APOO: variants seen among roughly 807,000 people sequenced by gnomAD.
APOO encodes MICOS complex subunit MIC26.
A neutral mutation model predicts 23.1 loss-of-function variants in APOO; 11 were observed. The ratio of observed to expected loss-of-function variants is 0.48; its 90% CI spans 0.30 to 0.79. APOO has a LOEUF of 0.79. Ranked by LOEUF, APOO falls within the 30% of genes least tolerant of loss-of-function variation. The probability of loss-of-function intolerance (pLI) is 0.07; values close to 1 mark genes in which losing one functional copy is unlikely to be tolerated. For synonymous variants in APOO, 59 were observed against 54.8 expected, an observed-to-expected ratio of 1.08 and a Z score of -0.34; for missense variants, 160 against 142.7, an observed-to-expected ratio of 1.12 and a Z score of -0.62.
Position 23,845,715 on chromosome X carries a change from A to C in APOO, c.562-5338T>G, listed in dbSNP as rs191326518. On this transcript the variant is annotated intron_variant, in intron 7 of 8. Transcript: ENST00000379226. ...CCGAGGAACTTCTAATGGAGGAAGA[A>C]AAAGCAGGGCATGTTTACTCAGGGT... 2.7e-3 allele frequency among the ~76,000 whole-genome samples: 305 copies of C among 112,507 alleles called. 3 individuals are homozygous for C. The highest frequency in any genetic ancestry group is 0.018 in the Middle Eastern group (4 of 217).
chrX:23,904,620 C>T (rs1349559209), intron 1 of APOO, among the ~76,000 whole-genome samples: 1 of 108,303 alleles, frequency 9.2e-6, no homozygotes, highest in African/African-American at 3.4e-5. Flanking sequence ...CATTCTCCTG[C>T]CTCAGCCTCC....
At chrX:23,874,073 C>G (rs886249452) in intron 4 of APOO, among the ~76,000 whole-genome samples, 5 of 112,279 alleles carry the variant, frequency 4.5e-5, no homozygotes, top group African/African-American at 6.5e-5. Context: ...ATGAGCTATT[C>G]CGATTCAGAA....
intron 7 of APOO, among the ~76,000 whole-genome samples, chrX:23,855,695 G>A (rs757568693): frequency 1.1e-4 from 12 of 111,329 alleles, no homozygotes; most frequent in Non-Finnish European, 1.7e-4. Flanking sequence ...ACATTTAATC[G>A]GCTATGTGGC....
At chrX:23,901,623 C>A (rs1052502104) in intron 1 of APOO, among the ~76,000 whole-genome samples, 2 of 112,038 alleles carry the variant, frequency 1.8e-5, no homozygotes, top group Non-Finnish European at 3.8e-5. Flanking sequence ...ATAAAAAATA[C>A]TTTTGGAGAG....
intron 4 of APOO, among the ~76,000 whole-genome samples, chrX:23,869,913 C>T (rs1925529450): frequency 9.5e-6 from 1 of 105,786 alleles, no homozygotes; most frequent in African/African-American, 3.5e-5. Context: ...GATCGCGCCA[C>T]TGCACTCCAG....
At chrX:23,901,425 A>T (rs752468884) in intron 1 of APOO, among the ~76,000 whole-genome samples, 12 of 111,306 alleles carry the variant, frequency 1.1e-4, no homozygotes, top group Admixed American at 9.6e-4. Context: ...CAGCAAGCCC[A>T]ACCTGTTCAA....
intron 4 of APOO, among the ~76,000 whole-genome samples, chrX:23,872,966 G>A (rs181037565): frequency 9.0e-6 from 1 of 110,732 alleles, no homozygotes; most frequent in African/African-American, 3.3e-5. Flanking sequence ...CAGGAGAATT[G>A]CTTGAACCTG....
At chrX:23,889,817 A>T (rs5925960) in intron 1 of APOO, among the ~76,000 whole-genome samples, 15 of 108,982 alleles carry the variant, frequency 1.4e-4, no homozygotes, top group African/African-American at 4.7e-4. Context: ...ACCAGCCACC[A>T]CGCCTGGCTA....
At chrX:23,856,520 A>C in intron 6 of APOO, 138 bp from the exon 7 acceptor site, 1 of 435,711 alleles carries the variant, frequency 2.3e-6, no homozygotes. Context: ...TAATAGCAAA[A>C]CATGGAATCA....
At chrX:23,860,839 T>TA (rs113127850) in intron 5 of APOO, among the ~76,000 whole-genome samples, 7,331 of 87,304 alleles carry the variant, frequency 0.084, 386 homozygotes, top group Middle Eastern at 0.16. Flanking sequence ...TCTATTCCTT[T>TA]AAAAAAAAAA....
At chrX:23,850,695 C>CTACCATCCATACTACA (rs1924495794) in intron 7 of APOO, among the ~76,000 whole-genome samples, 1 of 111,428 alleles carries the variant, frequency 9.0e-6, no homozygotes, top group South Asian at 3.7e-4. Flanking sequence ...GGGATGGTGG[C>CTACCATCCATACTACA]GCATGCCTGT....
At chrX:23,837,350 A>T in intron 8 of APOO, 1 of 873,158 alleles carries the variant, frequency 1.1e-6, no homozygotes, top group South Asian at 2.1e-5. Flanking sequence ...AAGAAAGCCT[A>T]ATTTCTTTAT....
chrX:23,840,391 A>C lies in APOO; in HGVS notation c.562-14T>G. 1 of 1,195,898 alleles carries C rather than the reference A, an allele frequency of 8.4e-7. No individual in the cohort carries two copies. The highest frequency in any genetic ancestry group is 1.1e-6 in the Non-Finnish European group (1 of 887,232). ...CACATTTCCTGGCTTTTAAAACAAA[A>C]GAAAGAGCTTGAATGCAGTTTGAAA... is the stretch of plus-strand genomic sequence containing the variant. On this transcript the variant is annotated splice_polypyrimidine_tract_variant and intron_variant, in intron 7 of 8. Coordinates refer to ENST00000379226, the MANE Select transcript of APOO (RefSeq NM_024122.5).
intron 7 of APOO, among the ~76,000 whole-genome samples, chrX:23,850,060 C>T (rs1399324373): frequency 8.9e-6 from 1 of 111,802 alleles, no homozygotes; most frequent in Admixed American, 9.6e-5. Context: ...TGTCCACGTT[C>T]TTTGGAAATA....
At chrX:23,872,521 TTA>T (rs773219545) in intron 4 of APOO, among the ~76,000 whole-genome samples, 1,405 of 93,168 alleles carry the variant, frequency 0.015, 28 homozygotes, top group African/African-American at 0.051. Context: ...TTATGAGAAT[TTA>T]TATATATATA....
intron 8 of APOO, chrX:23,836,651 A>T (rs1394523142): frequency 5.9e-6 from 4 of 681,239 alleles, no homozygotes; most frequent in Non-Finnish European, 8.2e-6. Context: ...TCCCCAAATC[A>T]ATAGGTCTTT....
intron 3 of APOO, among the ~76,000 whole-genome samples, chrX:23,877,307 G>A (rs866850629): frequency 8.9e-6 from 1 of 112,217 alleles, no homozygotes; most frequent in Non-Finnish European, 1.9e-5. Context: ...TATGTTTAAA[G>A]TCTTTAGGTA....
At chrX:23,900,691 A>G (rs1927093779) in intron 1 of APOO, among the ~76,000 whole-genome samples, 1 of 108,714 alleles carries the variant, frequency 9.2e-6, no homozygotes, top group East Asian at 2.8e-4. Flanking sequence ...AAAAAAAAAA[A>G]AAAAGAAATC....
At chrX:23,845,994 T>C (rs1924209011) in intron 7 of APOO, among the ~76,000 whole-genome samples, 1 of 112,031 alleles carries the variant, frequency 8.9e-6, no homozygotes, top group South Asian at 3.6e-4. Context: ...GACATACTGC[T>C]GTGTTTAGCT....
Sources: allele counts gnomAD v4.1 joint callset (sites outside exome capture counted in the v4.1 genomes callset), GRCh38; gene constraint gnomAD v4.1.1; transcripts MANE v1.5; gene names NCBI Gene and HGNC (gene_info 2026-07-23, HGNC 2026-07-21).